Variants in ADCY5 observed in about 807,000 individuals in gnomAD.
ADCY5 encodes adenylate cyclase 5.
A neutral mutation model predicts 119.7 loss-of-function variants in ADCY5; 30 were observed. That is an observed-to-expected ratio of 0.25 (90% CI 0.19 to 0.34). The LOEUF is 0.34. Among genes scored for constraint, ADCY5 ranks in the 10% least tolerant of loss-of-function variants. The pLI is 1.00. For missense variants in ADCY5, 1,324 were observed against 1,775.2 expected, an observed-to-expected ratio of 0.75 and a Z score of 4.57; for synonymous variants, 753 against 762.2, an observed-to-expected ratio of 0.99 and a Z score of 0.20.
intron 1 of ADCY5, among the ~76,000 whole-genome samples, chr3:123,353,905 G>A (rs1057048448): frequency 1.3e-5 from 2 of 152,082 alleles, no homozygotes; most frequent in Admixed American, 6.5e-5. Flanking sequence ...TGTGTGCCCC[G>A]GTCCATGAAG....
intron 1 of ADCY5, among the ~76,000 whole-genome samples, chr3:123,355,245 G>A (rs1451846866): frequency 1.3e-5 from 2 of 152,202 alleles, no homozygotes; most frequent in East Asian, 3.8e-4. Context: ...TAATATGCAA[G>A]TTTAGAAAAG....
chr3:123,396,021 G>GGAGGGAGAGAGGGAGGGAGGGAGAGAGA (rs1944540860), intron 1 of ADCY5, among the ~76,000 whole-genome samples: 1 of 54,114 alleles, frequency 1.8e-5, no homozygotes, highest in African/African-American at 6.8e-5. Context: ...AAAGAGAGAG[G>GGAGGGAGAGAGGGAGGGAGGGAGAGAGA]GAGGGAGGGA....
At chr3:123,296,031 G>A (rs1461765508) in intron 17 of ADCY5, 53 bp downstream of exon 17, 3 of 1,601,644 alleles carry the variant, frequency 1.9e-6, no homozygotes, top group Admixed American at 1.7e-5. Context: ...TGTTGTCTCC[G>A]CCACCTGCTC....
In ADCY5 at chr3:123,284,308, T is replaced by C. The variant is rs1019654686; in HGVS notation, c.*300A>G. ...CACACACACATTCCCACGGCTCCTTTCCACCTGTGCAGCAGCACCTGTTAG... is the reference window on the plus strand; with the variant it reads ...CACACACACATTCCCACGGCTCCTTCCCACCTGTGCAGCAGCACCTGTTAG... On this transcript the variant is annotated 3_prime_UTR_variant, in exon 21 of 21. Coordinates refer to ENST00000462833, the MANE Select transcript of ADCY5 (RefSeq NM_183357.3). 5.6e-6 allele frequency: 2 copies of C among 356,270 alleles called. No homozygotes were observed. Among genetic ancestry groups the C allele is most frequent in the African/African-American group, 4.1e-5 (2 of 48,198 alleles). The allele number at this position is 356,270 out of a possible 1,614,324, so 22.1% of individuals were successfully genotyped here.
At chr3:123,321,818 C>G (rs190464345) in intron 8 of ADCY5, among the ~76,000 whole-genome samples, 19 of 152,316 alleles carry the variant, frequency 1.2e-4, no homozygotes, top group Non-Finnish European at 2.4e-4. Context: ...AGACATGGGG[C>G]CCTGGTGGTA....
chr3:123,300,657 C>T (rs973719337), intron 14 of ADCY5, among the ~76,000 whole-genome samples: 1 of 152,210 alleles, frequency 6.6e-6, no homozygotes, highest in African/African-American at 2.4e-5. Flanking sequence ...TCATGGCTCG[C>T]TGTGATGAAC....
intron 9 of ADCY5, 77 bp from the exon 10 acceptor site, chr3:123,319,895 C>A (rs1214176775): frequency 7.0e-6 from 11 of 1,561,552 alleles, no homozygotes; most frequent in Non-Finnish European, 9.6e-6. Context: ...TCCGACCATC[C>A]CCCCAGACTC....
chr3:123,446,218 A>C (rs1339965421), intron 1 of ADCY5, among the ~76,000 whole-genome samples: 1 of 152,240 alleles, frequency 6.6e-6, no homozygotes, highest in Non-Finnish European at 1.5e-5. Flanking sequence ...CCAGGAAGCC[A>C]GGGGACACAG....
chr3:123,422,708 T>G (rs1213776563), intron 1 of ADCY5, among the ~76,000 whole-genome samples: 1 of 152,150 alleles, frequency 6.6e-6, no homozygotes, highest in Non-Finnish European at 1.5e-5. Context: ...ACTCGCCTCC[T>G]CCCAGATCAT....
intron 1 of ADCY5, among the ~76,000 whole-genome samples, chr3:123,396,061 GGTGGGA>G (rs1486487536): frequency 5.0e-5 from 1 of 19,944 alleles, no homozygotes; most frequent in Admixed American, 5.1e-4. Context: ...AGGGAGGGAG[GGTGGGA>G]GGGAGAGGGA....
intron 1 of ADCY5, among the ~76,000 whole-genome samples, chr3:123,435,238 A>G (rs1238285933): frequency 6.6e-6 from 1 of 152,182 alleles, no homozygotes; most frequent in Non-Finnish European, 1.5e-5. Flanking sequence ...ATGAGCCGTG[A>G]TTGCACCACT....
At chr3:123,398,673 A>T (rs923963033) in intron 1 of ADCY5, among the ~76,000 whole-genome samples, 4 of 151,946 alleles carry the variant, frequency 2.6e-5, no homozygotes, top group Non-Finnish European at 4.4e-5. Flanking sequence ...CTAGGTCCTC[A>T]CCATTCAAGT....
chr3:123,401,365 C>T (rs541181145), intron 1 of ADCY5, among the ~76,000 whole-genome samples: 66 of 152,244 alleles, frequency 4.3e-4, no homozygotes, highest in Non-Finnish European at 7.6e-4. Context: ...CAGCAGAGCC[C>T]CATCCAGATG....
At chr3:123,380,432 A>G (rs973336655) in intron 1 of ADCY5, among the ~76,000 whole-genome samples, 9 of 152,182 alleles carry the variant, frequency 5.9e-5, no homozygotes, top group African/African-American at 1.9e-4. Context: ...AGATGACCTA[A>G]ACGATGTCCT....
In ADCY5 at chr3:123,282,963, T is replaced by TATC. The variant is rs1217312407; in HGVS notation, c.*1642_*1644dup. 1 of 152,208 alleles carries TATC rather than the reference T, an allele frequency of 6.6e-6. No homozygotes were observed. The allele number at this position is 152,208 out of a possible 1,614,324, so 9.4% of individuals were successfully genotyped here. A position where few individuals can be genotyped will look rare whatever the true frequency, so the allele number is the denominator to read the frequency against. ...GATTCCACTGAATTCTGTGCTAGAGTATCATTTTCCAAATGTCTTCCTCAT... is the reference window on the plus strand; with the variant it reads ...GATTCCACTGAATTCTGTGCTAGAGTATCATCATTTTCCAAATGTCTTCCTCAT... On this transcript the variant is annotated 3_prime_UTR_variant, in exon 21 of 21. Transcript: ENST00000462833.
chr3:123,416,147 G>C (rs990765574), intron 1 of ADCY5: 1 of 1,535,516 alleles, frequency 6.5e-7, no homozygotes, highest in East Asian at 2.4e-5. Context: ...GAAAGGGACA[G>C]GTAGTGTGGG....
Position 123,347,849 on chromosome 3 carries a change from C to T in ADCY5, c.1339G>A (p.Asp447Asn), listed in dbSNP as rs754682016. Residue 447 changes from aspartate to asparagine, a missense_variant, in exon 3 of 21, where the codon GAC becomes AAC. By Grantham distance (23) the Asp-to-Asn change is conservative. Around this residue, in one of 6 missense-constraint regions of ADCY5, gnomAD observed 123 missense variants for 287.9 expected, o/e 0.43. Coordinates refer to ENST00000462833, the MANE Select transcript of ADCY5 (RefSeq NM_183357.3). ...PRHVAMEMKADINAKQEDMMF... is the reference protein window; with the variant it reads ...PRHVAMEMKANINAKQEDMMF... Reference sequence around the variant, plus strand: ...ATATCCTCCTGCTTGGCGTTGATGTCTGCTTTCATCTCCATGGCAACATGA... The same window carrying T: ...ATATCCTCCTGCTTGGCGTTGATGTTTGCTTTCATCTCCATGGCAACATGA... The T allele has an allele frequency of 6.2e-6, 10 of 1,614,016 alleles. No individual in the cohort carries two copies. The African/African-American group carries it at 1.1e-4, about 17-fold the overall frequency.
chr3:123,350,171 C>T (rs917490876), intron 2 of ADCY5, among the ~76,000 whole-genome samples: 17 of 152,218 alleles, frequency 1.1e-4, no homozygotes, highest in African/African-American at 4.1e-4. Context: ...TCCCTTTTCC[C>T]AGGAGGAGGT....
chr3:123,407,516 C>A lies in ADCY5; in HGVS notation c.1134+39896G>T, dbSNP rs1169898803. Among the ~76,000 whole-genome samples the A allele has an allele frequency of 2.7e-5, 4 of 147,496 alleles. No individual in the cohort carries two copies. The Admixed American group carries it at 2.8e-4, about 10-fold the overall frequency. The stretch of plus-strand genomic sequence containing the variant: ...CTATCATCTCAGCACTTTGGGAGGC[C>A]AAAGCAGGAGGTATCGCTTGAGCTC... On this transcript the variant is annotated intron_variant, in intron 1 of 20. Coordinates refer to ENST00000462833, the MANE Select transcript of ADCY5 (RefSeq NM_183357.3).
Sources: allele counts gnomAD v4.1 joint callset (sites outside exome capture counted in the v4.1 genomes callset), GRCh38; gene constraint gnomAD v4.1.1; regional missense constraint gnomAD v4.1.1; transcripts MANE v1.5; gene names NCBI Gene and HGNC (gene_info 2026-07-23, HGNC 2026-07-21).